The following DENND1A variants were observed in gnomAD, a reference collection of about 807,000 sequenced individuals.
DENND1A encodes DENN domain containing 1A.
A neutral mutation model predicts 113.7 loss-of-function variants in DENND1A; 51 were observed. That is an observed-to-expected ratio of 0.45 (90% CI 0.36 to 0.57). DENND1A has a LOEUF of 0.57. DENND1A is among the 20% of genes least tolerant of loss of function. The probability of loss-of-function intolerance (pLI) is 0.00; values close to 1 mark genes in which losing one functional copy is unlikely to be tolerated. For synonymous variants in DENND1A, 565 were observed against 570.8 expected (o/e 0.99, Z 0.14); for missense variants, 1,258 against 1,395.9 (o/e 0.90, Z 1.57).
intron 13 of DENND1A, among the ~76,000 whole-genome samples, chr9:123,502,977 C>T (rs908381834): frequency 2.6e-5 from 4 of 152,152 alleles, no homozygotes; most frequent in African/African-American, 4.8e-5. Flanking sequence ...AAGATCTAGC[C>T]GTGACCATGG....
chr9:123,615,723 T>C (rs1172098729), intron 10 of DENND1A, among the ~76,000 whole-genome samples: 1 of 152,234 alleles, frequency 6.6e-6, no homozygotes, highest in Non-Finnish European at 1.5e-5. Flanking sequence ...GCATAAAGCA[T>C]GTGCTGATTT....
chr9:123,717,692 A>G (rs1191223546), intron 5 of DENND1A, among the ~76,000 whole-genome samples: 1 of 152,186 alleles, frequency 6.6e-6, no homozygotes, highest in African/African-American at 2.4e-5. Flanking sequence ...TCTTGTTCAC[A>G]TTTATGTAAC....
intron 13 of DENND1A, among the ~76,000 whole-genome samples, chr9:123,486,628 A>T (rs1291706561): frequency 6.6e-6 from 1 of 152,216 alleles, no homozygotes; most frequent in Non-Finnish European, 1.5e-5. Flanking sequence ...TCCAGCCAGC[A>T]AGCCTTGAGC....
intron 16 of DENND1A, among the ~76,000 whole-genome samples, chr9:123,454,004 C>G (rs892661189): frequency 6.6e-6 from 1 of 152,236 alleles, no homozygotes; most frequent in Non-Finnish European, 1.5e-5. Flanking sequence ...ATTGCTTACT[C>G]TCCGCCAACT....
At chr9:123,903,108 G>A (rs943762895) in intron 1 of DENND1A, among the ~76,000 whole-genome samples, 6 of 151,514 alleles carry the variant, frequency 4.0e-5, no homozygotes, top group African/African-American at 9.7e-5. Context: ...CGAGGCAGGC[G>A]GATCACGAGG....
chr9:123,686,191 C>CT (rs558961533), intron 5 of DENND1A, among the ~76,000 whole-genome samples: 72 of 152,302 alleles, frequency 4.7e-4, no homozygotes, highest in African/African-American at 1.7e-3. Flanking sequence ...TGAAATATTA[C>CT]TCTTCATAAC....
chr9:123,886,758 C>T lies in DENND1A; in HGVS notation c.18-7737G>A, dbSNP rs559917634. On this transcript the variant is annotated intron_variant, in intron 1 of 23. Coordinates refer to ENST00000394215, the MANE Select transcript of DENND1A (RefSeq NM_001352964.2). Reference sequence around the variant, plus strand: ...TCAAAGAGTGCTTTCTAGCCCATAACAAGTTAACACCTCCATAGGAGAATG... The same window carrying T: ...TCAAAGAGTGCTTTCTAGCCCATAATAAGTTAACACCTCCATAGGAGAATG... 7.9e-5 allele frequency among the ~76,000 whole-genome samples: 12 copies of T among 152,276 alleles called. No individual in the cohort carries two copies. The East Asian group carries it at 2.3e-3, about 29-fold the overall frequency.
chr9:123,541,637 G>C (rs2056295344), intron 13 of DENND1A, among the ~76,000 whole-genome samples: 1 of 152,220 alleles, frequency 6.6e-6, no homozygotes. Context: ...ACAGGGACCA[G>C]CAAGCCAAAC....
intron 6 of DENND1A, among the ~76,000 whole-genome samples, chr9:123,673,908 C>T (rs2063888959): frequency 1.3e-5 from 2 of 152,072 alleles, no homozygotes; most frequent in Admixed American, 6.6e-5. Context: ...CTGCCTCCTT[C>T]CCTGTCCAGA....
intron 10 of DENND1A, among the ~76,000 whole-genome samples, chr9:123,616,674 C>T (rs1043215724): frequency 6.6e-6 from 1 of 152,128 alleles, no homozygotes; most frequent in African/African-American, 2.4e-5. Flanking sequence ...GCCACCAACC[C>T]AAAAGGGAAA....
At chr9:123,557,475 G>A in intron 13 of DENND1A, 95 bp downstream of exon 13, 1 of 1,538,340 alleles carries the variant, frequency 6.5e-7, no homozygotes, top group South Asian at 1.3e-5. Flanking sequence ...GATGAATCTG[G>A]AAACCAGAAG....
chr9:123,457,352 G>A lies in DENND1A; in HGVS notation c.1182C>T (p.Tyr394=), dbSNP rs115059843. Residue 394 remains tyrosine (Y), a synonymous_variant, in exon 15 of 24, where the codon TAC becomes TAT. Coordinates refer to ENST00000394215, the MANE Select transcript of DENND1A (RefSeq NM_001352964.2). ...VFEEEINMGE[Y]AGSDKLYHQW... is the part of the protein sequence containing the mutation. ...GGAAAATGAGTTGCTTCTCACCAGC[G>A]TACTCGCCCATGTTGATTTCCTCTT... The A allele has an allele frequency of 2.4e-5, 39 of 1,613,180 alleles. No homozygotes were observed. In the African/African-American group the frequency reaches 2.7e-4, roughly 11 times the overall value.
chr9:123,727,227 T>C (rs1444831858), intron 5 of DENND1A, among the ~76,000 whole-genome samples: 1 of 152,192 alleles, frequency 6.6e-6, no homozygotes, highest in Non-Finnish European at 1.5e-5. Context: ...TGTTTTCTTG[T>C]TTAGTCATCT....
At chr9:123,875,986 A>G (rs1847395911) in intron 2 of DENND1A, among the ~76,000 whole-genome samples, 1 of 152,198 alleles carries the variant, frequency 6.6e-6, no homozygotes, top group Non-Finnish European at 1.5e-5. Context: ...TAACATGGTT[A>G]CTCAATTTAT....
At chr9:123,473,234 G>A (rs1414729405) in intron 13 of DENND1A, among the ~76,000 whole-genome samples, 1 of 152,178 alleles carries the variant, frequency 6.6e-6, no homozygotes, top group Non-Finnish European at 1.5e-5. Flanking sequence ...GGCACACAGG[G>A]TGGAGAGCCA....
At chr9:123,887,107 T>G (rs1849215204) in intron 1 of DENND1A, among the ~76,000 whole-genome samples, 1 of 152,182 alleles carries the variant, frequency 6.6e-6, no homozygotes, top group Non-Finnish European at 1.5e-5. Flanking sequence ...TGAGCTGCAG[T>G]GTAAAATCTA....
chr9:123,816,291 C>T (rs145491427), intron 2 of DENND1A, among the ~76,000 whole-genome samples: 42 of 152,184 alleles, frequency 2.8e-4, no homozygotes, highest in African/African-American at 8.9e-4. Context: ...TATGAGCCAC[C>T]ACGCCCAGCT....
intron 5 of DENND1A, among the ~76,000 whole-genome samples, chr9:123,757,177 AC>A (rs2070641079): frequency 6.6e-6 from 1 of 152,100 alleles, no homozygotes; most frequent in Non-Finnish European, 1.5e-5. Context: ...CTTTTAGAAG[AC>A]CTGAAGAAGC....
chr9:123,488,252 C>T (rs897532068), intron 13 of DENND1A, among the ~76,000 whole-genome samples: 1 of 152,236 alleles, frequency 6.6e-6, no homozygotes, highest in African/African-American at 2.4e-5. Flanking sequence ...TCCCCCTCCC[C>T]CAGCTGCCTC....
Sources: gnomAD v4.1 joint callset for allele counts (sites outside exome capture counted in the v4.1 genomes callset) on GRCh38, gnomAD v4.1.1 for gene constraint, MANE v1.5 for transcripts, NCBI Gene and HGNC (gene_info 2026-07-23, HGNC 2026-07-21) for gene names.